TBCE: variants seen among roughly 807,000 people sequenced by gnomAD.
TBCE encodes the protein tubulin folding cofactor E.
A neutral mutation model predicts 77.0 loss-of-function variants in TBCE; 53 were observed. That is an observed-to-expected ratio of 0.69 (90% CI 0.55 to 0.87). TBCE has a LOEUF of 0.87. Ranked by LOEUF, TBCE falls within the 40% of genes least tolerant of loss-of-function variation. TBCE has a pLI of 0.00. For missense variants in TBCE, 624 were observed against 622.4 expected, an observed-to-expected ratio of 1.00 and a Z score of -0.03; for synonymous variants, 235 against 241.3, an observed-to-expected ratio of 0.97 and a Z score of 0.24.
intron 4 of TBCE, among the ~76,000 whole-genome samples, chr1:235,418,785 G>A (rs938574568): frequency 4.6e-5 from 7 of 152,154 alleles, no homozygotes; most frequent in African/African-American, 9.7e-5. Context: ...AAGGCTCTGC[G>A]GAGTAGAATA....
At chr1:235,436,845 G>A (rs1480204090) in intron 11 of TBCE, among the ~76,000 whole-genome samples, 2 of 152,150 alleles carry the variant, frequency 1.3e-5, no homozygotes, top group Non-Finnish European at 2.9e-5. Context: ...GGGGCCGGGT[G>A]TGGTGGCTCA....
chr1:235,413,191 TAAAA>T (rs1223670377), intron 3 of TBCE, among the ~76,000 whole-genome samples: 4 of 152,026 alleles, frequency 2.6e-5, no homozygotes, highest in Admixed American at 2.6e-4. Flanking sequence ...TGTTGTCTCT[TAAAA>T]AAAGTACGAA....
intron 4 of TBCE, 104 bp from the exon 5 acceptor site, chr1:235,419,369 A>AT (rs2102891367): frequency 1.3e-6 from 2 of 1,531,792 alleles, no homozygotes; most frequent in Non-Finnish European, 1.8e-6. Context: ...TTTGTATATT[A>AT]TTTTTGGTAC....
At chr1:235,390,758 CA>C (rs35639285) in intron 2 of TBCE, among the ~76,000 whole-genome samples, 19,257 of 71,402 alleles carry the variant, frequency 0.27, 1,573 homozygotes, top group African/African-American at 0.4. Context: ...CGAAACGTCT[CA>C]AAAAAAAAAA....
At chr1:235,437,249 T>A in intron 11 of TBCE, 73 bp from the exon 12 acceptor site, 1 of 1,593,834 alleles carries the variant, frequency 6.3e-7, no homozygotes, top group Non-Finnish European at 8.6e-7. Flanking sequence ...TGCTTTCCTG[T>A]TGCTGGTTCA....
intron 7 of TBCE, 71 bp from the exon 8 acceptor site, chr1:235,434,133 G>C: frequency 1.5e-6 from 2 of 1,351,792 alleles, no homozygotes; most frequent in South Asian, 2.3e-5. Flanking sequence ...TTCTTGTGGT[G>C]GTTCCTATGA....
At chr1:235,384,338 G>C (rs1333229084) in intron 2 of TBCE, among the ~76,000 whole-genome samples, 32 of 145,270 alleles carry the variant, frequency 2.2e-4, no homozygotes, top group Non-Finnish European at 4.1e-4. Context: ...CATAAAATGA[G>C]TTAGGGAGGA....
At position 235,380,273 on chromosome 1, in the gene TBCE, G is replaced by A. The variant is rs542436694; in HGVS notation, c.100+124G>A. ...AGCACTTTATACCACAAATTTTGAC[G>A]AAATTAACAACTAATTTATAGGTGC... is the stretch of plus-strand genomic sequence containing the variant. On this transcript the variant is annotated intron_variant, in intron 2 of 16. Coordinates refer to ENST00000642610, the MANE Select transcript of TBCE (RefSeq NM_003193.5). 3.0e-4 allele frequency: 257 copies of A among 870,286 alleles called. 1 individual carries two copies. The African/African-American group carries it at 3.7e-3, about 12-fold the overall frequency. 53.9% of individuals were successfully genotyped at this position (870,286 alleles called of 1,614,324 possible).
chr1:235,373,950 T>C (rs1286232575), intron 1 of TBCE, among the ~76,000 whole-genome samples: 3 of 143,052 alleles, frequency 2.1e-5, no homozygotes, highest in Non-Finnish European at 4.6e-5. Context: ...CACCCAGACT[T>C]GTATTTTTAT....
At chr1:235,387,829 G>T (rs1330220221) in intron 2 of TBCE, among the ~76,000 whole-genome samples, 1 of 152,128 alleles carries the variant, frequency 6.6e-6, no homozygotes, top group Non-Finnish European at 1.5e-5. Context: ...GTGCAAGAAA[G>T]AATTCAGGGC....
intron 5 of TBCE, among the ~76,000 whole-genome samples, chr1:235,419,972 C>T (rs1680307559): frequency 6.6e-6 from 1 of 152,082 alleles, no homozygotes. Context: ...GTAGTCCCAG[C>T]CACTCAGGAG....
intron 15 of TBCE, among the ~76,000 whole-genome samples, chr1:235,448,004 T>G (rs890331096): frequency 6.6e-6 from 1 of 151,114 alleles, no homozygotes; most frequent in Non-Finnish European, 1.5e-5. Context: ...AGGTCAGGAG[T>G]TCAAGACCAG....
In TBCE at chr1:235,434,273, T is replaced by C; in HGVS notation, c.730T>C (p.Ser244Pro). The C allele has an allele frequency of 6.2e-7, 1 of 1,613,988 alleles. No individual in the cohort carries two copies. Among genetic ancestry groups the C allele is most frequent in the Non-Finnish European group, 8.5e-7 (1 of 1,179,864 alleles). The stretch of plus-strand genomic sequence containing the variant: ...CCTTGAGTCTAACAACATTTTCATT[T>C]CCGAAAGGTAACTAGCACTTACTTA... ...LYLESNNIFI[S>P]ERPTDVLQTV... Residue 244 changes from serine (S) to proline (P), a missense_variant, in exon 8 of 17, where the codon TCC (serine) becomes CCC (proline). By Grantham distance (74) the Ser-to-Pro change is moderately conservative (BLOSUM62 -1). Coordinates refer to ENST00000642610, the MANE Select transcript of TBCE (RefSeq NM_003193.5).
At chr1:235,448,220 CAAAAAAAAAAA>C (rs59405398) in intron 15 of TBCE, 118 bp from the exon 16 acceptor site, 8 of 531,016 alleles carry the variant, frequency 1.5e-5, no homozygotes, top group African/African-American at 3.1e-5. Flanking sequence ...AAGTCAGTCT[CAAAAAAAAAAA>C]AAAAAAAAAG....
rs369854837 is a variant in TBCE, at chr1:235,411,667, A to G, written c.186-2766A>G. 9.2e-5 allele frequency among the ~76,000 whole-genome samples: 14 copies of G among 152,304 alleles called. No homozygotes were observed. The East Asian group carries it at 2.3e-3, about 25-fold the overall frequency. On this transcript the variant is annotated intron_variant, in intron 3 of 16. Transcript: ENST00000642610. ...GTAAACTAGGCTTGTAACTTAAGAGACATGTTTAACTTACAGAAACAAATC... is the reference window on the plus strand; with the variant it reads ...GTAAACTAGGCTTGTAACTTAAGAGGCATGTTTAACTTACAGAAACAAATC...
intron 5 of TBCE, among the ~76,000 whole-genome samples, chr1:235,424,119 G>A (rs189867762): frequency 2.0e-5 from 3 of 152,188 alleles, no homozygotes; most frequent in South Asian, 4.1e-4. Context: ...ATTTTGGATC[G>A]AGGATGACTT....
Position 235,448,855 on chromosome 1 carries a change from A to G in TBCE, c.*93A>G. On this transcript the variant is annotated 3_prime_UTR_variant, in exon 17 of 17. Transcript: ENST00000642610. ...TCACTGGAACAATTCTACTGTCAAA[A>G]CAAAGGGGGTTTACAACTTGTCCTA... 1 of 966,442 alleles carries G rather than the reference A, an allele frequency of 1.0e-6. No individual in the cohort carries two copies. Among genetic ancestry groups the G allele is most frequent in the Non-Finnish European group, 1.6e-6 (1 of 612,610 alleles). 59.9% of individuals were successfully genotyped at this position (966,442 alleles called of 1,614,324 possible).
At chr1:235,436,692 A>C in intron 11 of TBCE, 84 bp downstream of exon 11, 1 of 1,323,850 alleles carries the variant, frequency 7.6e-7, no homozygotes, top group Non-Finnish European at 1.1e-6. Context: ...TCTACCAAAA[A>C]AGTAAAAAGA....
intron 1 of TBCE, 40 bp from the exon 2 acceptor site, chr1:235,379,979 T>A: frequency 8.0e-7 from 1 of 1,252,958 alleles, no homozygotes; most frequent in Non-Finnish European, 1.2e-6. Flanking sequence ...TTTAAAGGAA[T>A]TGTATTAAGT....
Sources: gnomAD v4.1 joint callset for allele counts (sites outside exome capture counted in the v4.1 genomes callset) on GRCh38, gnomAD v4.1.1 for gene constraint, MANE v1.5 for transcripts, NCBI Gene and HGNC (gene_info 2026-07-23, HGNC 2026-07-21) for gene names.